The following PPFIBP1 variants were observed in gnomAD, a reference collection of about 807,000 sequenced individuals.
The protein encoded by PPFIBP1 is liprin-beta-1.
A neutral mutation model predicts 137.8 loss-of-function variants in PPFIBP1; 112 were observed. The observed-to-expected ratio is 0.81, with a 90% CI of 0.70 to 0.95. The LOEUF (loss-of-function observed/expected upper bound fraction) is 0.95, where lower values mean the gene tolerates loss of function less well. Among genes scored for constraint, PPFIBP1 ranks in the 40% least tolerant of loss-of-function variants. The pLI is 0.00. For missense variants in PPFIBP1, 1,083 were observed against 1,196.6 expected, an observed-to-expected ratio of 0.91 and a Z score of 1.40; for synonymous variants, 378 against 417.3, an observed-to-expected ratio of 0.91 and a Z score of 1.15.
At chr12:27,643,716 T>G (rs1207680976) in intron 4 of PPFIBP1, among the ~76,000 whole-genome samples, 1 of 92,908 alleles carries the variant, frequency 1.1e-5, no homozygotes, top group Non-Finnish European at 2.1e-5. Flanking sequence ...GCCAACATTC[T>G]TAATGCAAAG....
intron 1 of PPFIBP1, among the ~76,000 whole-genome samples, chr12:27,577,338 CAGAT>C (rs1225889414): frequency 1.3e-5 from 2 of 152,050 alleles, no homozygotes; most frequent in African/African-American, 4.8e-5. Context: ...CTCACAAGGA[CAGAT>C]AGAAGGAAGG....
Position 27,692,928 on chromosome 12 carries a change from C to T in PPFIBP1, c.*46C>T. On this transcript the variant is annotated 3_prime_UTR_variant, in exon 30 of 30. Transcript: ENST00000228425. ...TTAGGAGTGCTTAGTCTTTTTTCTACTTGCTTTTCCAAACACTCACAGTAT... is the reference window on the plus strand; with the variant it reads ...TTAGGAGTGCTTAGTCTTTTTTCTATTTGCTTTTCCAAACACTCACAGTAT... 6.2e-7 allele frequency: 1 copy of T among 1,608,318 alleles called. No individual in the cohort carries two copies. Among genetic ancestry groups the T allele is most frequent in the Non-Finnish European group, 8.5e-7 (1 of 1,177,404 alleles).
intron 2 of PPFIBP1, among the ~76,000 whole-genome samples, chr12:27,586,526 T>A (rs1231880397): frequency 6.6e-6 from 1 of 152,174 alleles, no homozygotes; most frequent in Non-Finnish European, 1.5e-5. Flanking sequence ...GGTGAAACCC[T>A]GTCTCTGCTA....
At chr12:27,667,349 A>G in intron 13 of PPFIBP1, 29 bp downstream of exon 13, 1 of 1,536,320 alleles carries the variant, frequency 6.5e-7, no homozygotes, top group Non-Finnish European at 8.8e-7. Flanking sequence ...TATTTCCTTT[A>G]TGTTGAAGAG....
In PPFIBP1 at chr12:27,535,570, A is replaced by AT. The variant is rs139673317; in HGVS notation, c.-124+11214dup. Among the ~76,000 whole-genome samples the AT allele has an allele frequency of 6.3e-3, 957 of 151,230 alleles. 10 individuals carry two copies. The highest frequency in any genetic ancestry group is 0.022 in the African/African-American group (919 of 41,188). On this transcript the variant is annotated intron_variant, in intron 1 of 29. Coordinates refer to ENST00000228425, the MANE Select transcript of PPFIBP1 (RefSeq NM_003622.4). Reference sequence around the variant, plus strand: ...TGGAACTACAGATGCGTGCCTGGCAATTTTTTTTTGTAGAGACAGGATCTC... The same window carrying AT: ...TGGAACTACAGATGCGTGCCTGGCAATTTTTTTTTTGTAGAGACAGGATCTC...
intron 2 of PPFIBP1, among the ~76,000 whole-genome samples, chr12:27,593,067 G>A (rs2052717359): frequency 6.9e-6 from 1 of 144,344 alleles, no homozygotes; most frequent in African/African-American, 2.6e-5. Context: ...GGGAAGTAGA[G>A]GTTGCAGTGA....
At chr12:27,648,858 T>TG (rs59772462) in intron 6 of PPFIBP1, among the ~76,000 whole-genome samples, 23,099 of 151,996 alleles carry the variant, frequency 0.15, 1,858 homozygotes, top group South Asian at 0.2. Context: ...GGTAGGGTAG[T>TG]GGGGATGAAG....
rs1163995017 is a variant in PPFIBP1, at chr12:27,691,922, A to G, written c.2859A>G (p.Leu953=). The change falls in exon 28 of 30, where the codon TTA becomes TTG. Residue 953 remains leucine, a synonymous_variant. Coordinates refer to ENST00000228425, the MANE Select transcript of PPFIBP1 (RefSeq NM_003622.4). The part of the protein sequence containing the change: ...RLYEEDDLDR[L]EQMEDSEGTV... ...ATGAGGAAGATGATTTGGACCGGTT[A>G]GAGCAGGTAAATCCAACACTGTATA... 6.2e-7 allele frequency: 1 copy of G among 1,605,058 alleles called. No individual in the cohort carries two copies. The highest frequency in any genetic ancestry group is 1.7e-5 in the Admixed American group (1 of 57,878).
intron 1 of PPFIBP1, among the ~76,000 whole-genome samples, chr12:27,563,740 GAGT>G (rs1391022051): frequency 2.0e-5 from 3 of 152,116 alleles, no homozygotes; most frequent in African/African-American, 7.2e-5. Context: ...CTGTCAGTCA[GAGT>G]TATTCCCTGC....
intron 2 of PPFIBP1, among the ~76,000 whole-genome samples, chr12:27,629,358 C>T (rs1252886252): frequency 2.0e-5 from 3 of 152,146 alleles, no homozygotes; most frequent in East Asian, 1.9e-4. Context: ...CTTGTGTAAC[C>T]TATATCTCAA....
At chr12:27,595,380 G>A (rs563771315) in intron 2 of PPFIBP1, among the ~76,000 whole-genome samples, 16 of 152,320 alleles carry the variant, frequency 1.1e-4, no homozygotes, top group Admixed American at 7.2e-4. Context: ...AAGGGGAGAC[G>A]TGAGAAATCC....
intron 6 of PPFIBP1, among the ~76,000 whole-genome samples, chr12:27,648,177 A>T (rs2058656542): frequency 6.6e-6 from 1 of 152,190 alleles, no homozygotes; most frequent in African/African-American, 2.4e-5. Context: ...CCAGTTTAAA[A>T]ATGGGTAAAA....
intron 11 of PPFIBP1, among the ~76,000 whole-genome samples, chr12:27,661,204 A>G (rs1230813736): frequency 6.6e-6 from 1 of 152,198 alleles, no homozygotes; most frequent in Non-Finnish European, 1.5e-5. Flanking sequence ...TTCACGTGAC[A>G]TGTAAGAGAG....
intron 2 of PPFIBP1, among the ~76,000 whole-genome samples, chr12:27,632,949 A>T (rs2057364391): frequency 6.6e-6 from 1 of 152,186 alleles, no homozygotes; most frequent in Non-Finnish European, 1.5e-5. Flanking sequence ...CAGAAAGAAA[A>T]AACAAAAACA....
At chr12:27,642,306 C>T (rs2058167136) in intron 4 of PPFIBP1, among the ~76,000 whole-genome samples, 1 of 152,212 alleles carries the variant, frequency 6.6e-6, no homozygotes. Context: ...CCAATTTCGA[C>T]TTAGCTGGAT....
At chr12:27,559,288 C>T (rs1343894255) in intron 1 of PPFIBP1, among the ~76,000 whole-genome samples, 4 of 152,142 alleles carry the variant, frequency 2.6e-5, no homozygotes, top group African/African-American at 9.7e-5. Context: ...CCTGCCTCAG[C>T]CTGCTGAGTA....
At chr12:27,676,986 T>C in intron 18 of PPFIBP1, 78 bp from the exon 19 acceptor site, 1 of 1,599,328 alleles carries the variant, frequency 6.3e-7, no homozygotes, top group South Asian at 1.1e-5. Flanking sequence ...AGGAGTCTGA[T>C]CTGCATTTCA....
chr12:27,614,589 A>G (rs1592864474), intron 2 of PPFIBP1, among the ~76,000 whole-genome samples: 2 of 152,178 alleles, frequency 1.3e-5, no homozygotes, highest in Non-Finnish European at 2.9e-5. Flanking sequence ...CTCCTAAGCT[A>G]CTAATGGGCC....
chr12:27,597,476 G>C (rs575534708), intron 2 of PPFIBP1, among the ~76,000 whole-genome samples: 12 of 152,184 alleles, frequency 7.9e-5, no homozygotes, highest in African/African-American at 2.9e-4. Context: ...TTTAAAATAA[G>C]CATTCAGCTT....
Sources: allele counts gnomAD v4.1 joint callset (sites outside exome capture counted in the v4.1 genomes callset), GRCh38; gene constraint gnomAD v4.1.1; transcripts MANE v1.5; gene names NCBI Gene and HGNC (gene_info 2026-07-23, HGNC 2026-07-21).